CTNNA3: variants seen among roughly 807,000 people sequenced by gnomAD.
The protein encoded by CTNNA3 is catenin alpha 3.
A neutral mutation model predicts 95.7 loss-of-function variants in CTNNA3; 76 were observed. The ratio of observed to expected loss-of-function variants is 0.79; its 90% CI spans 0.66 to 0.96. The LOEUF (loss-of-function observed/expected upper bound fraction) is 0.96. CTNNA3 is among the 40% of genes least tolerant of loss of function. The pLI is 0.00. For synonymous variants in CTNNA3, 431 were observed against 374.4 expected, an observed-to-expected ratio of 1.15 and a Z score of -1.74; for missense variants, 1,191 against 1,089.8, an observed-to-expected ratio of 1.09 and a Z score of -1.31.
At chr10:67,402,616 C>T (rs192641730) in intron 5 of CTNNA3, among the ~76,000 whole-genome samples, 94 of 152,290 alleles carry the variant, frequency 6.2e-4, no homozygotes, top group African/African-American at 2.2e-3. Flanking sequence ...CTGGAAGTGA[C>T]GCAAAGCCAA....
chr10:66,471,415 T>C (rs1393043540), intron 11 of CTNNA3, among the ~76,000 whole-genome samples: 1 of 151,898 alleles, frequency 6.6e-6, no homozygotes, highest in East Asian at 1.9e-4. Flanking sequence ...TTTCAAAAGT[T>C]CTTCAGCATA....
At chr10:65,999,232 T>G (rs1316137752) in intron 15 of CTNNA3, among the ~76,000 whole-genome samples, 1 of 152,176 alleles carries the variant, frequency 6.6e-6, no homozygotes, top group Non-Finnish European at 1.5e-5. Flanking sequence ...AAGTTCAACT[T>G]AAATAAAGCT....
At chr10:67,104,556 C>T (rs562256918) in intron 7 of CTNNA3, among the ~76,000 whole-genome samples, 1 of 152,060 alleles carries the variant, frequency 6.6e-6, no homozygotes, top group East Asian at 1.9e-4. Context: ...TCAGTCTCAG[C>T]TATTCACAAA....
At chr10:66,004,479 C>T (rs564947007) in intron 15 of CTNNA3, among the ~76,000 whole-genome samples, 4 of 152,058 alleles carry the variant, frequency 2.6e-5, no homozygotes, top group Non-Finnish European at 5.9e-5. Context: ...ACTTTTGGTT[C>T]ATAGAGACAT....
chr10:66,796,886 G>A (rs116208648), intron 7 of CTNNA3, among the ~76,000 whole-genome samples: 17 of 152,050 alleles, frequency 1.1e-4, no homozygotes, highest in African/African-American at 3.6e-4. Context: ...TCACTCCAGC[G>A]GAATATCAAT....
intron 10 of CTNNA3, among the ~76,000 whole-genome samples, chr10:66,559,708 A>C (rs180991352): frequency 5.1e-4 from 77 of 152,080 alleles, no homozygotes; most frequent in African/African-American, 1.8e-3. Context: ...TTCCTCATTT[A>C]CTGGGTTAGC....
intron 5 of CTNNA3, among the ~76,000 whole-genome samples, chr10:67,387,389 A>C (rs1172978397): frequency 6.6e-6 from 1 of 152,030 alleles, no homozygotes; most frequent in Non-Finnish European, 1.5e-5. Context: ...TATATCCCGC[A>C]CCTGGCTCGG....
chr10:66,047,623 T>A (rs1246500575), intron 15 of CTNNA3, among the ~76,000 whole-genome samples: 2 of 152,106 alleles, frequency 1.3e-5, no homozygotes, highest in East Asian at 3.9e-4. Flanking sequence ...TTGAAAGTCA[T>A]ACCCAGAGCT....
intron 11 of CTNNA3, among the ~76,000 whole-genome samples, chr10:66,502,785 G>A (rs774449841): frequency 3.9e-5 from 6 of 151,984 alleles, no homozygotes; most frequent in Non-Finnish European, 5.9e-5. Context: ...ATGTGCACAA[G>A]TTTCTTCAAT....
In CTNNA3 at chr10:67,576,646, T is replaced by A. The variant is rs530082532; in HGVS notation, c.292+30211A>T. The stretch of plus-strand genomic sequence containing the variant: ...GTATACATGTGCCATGCTGGTGTGC[T>A]GCACCCATTAACTTGTCATTTAGCA... On this transcript the variant is annotated intron_variant, in intron 3 of 17. Transcript: ENST00000433211. 9.6e-4 allele frequency among the ~76,000 whole-genome samples: 140 copies of A among 146,330 alleles called. 1 individual carries two copies. Among genetic ancestry groups the A allele is most frequent in the African/African-American group, 3.3e-3 (126 of 38,508 alleles).
chr10:66,199,423 A>T (rs2087173065), intron 13 of CTNNA3, among the ~76,000 whole-genome samples: 1 of 151,574 alleles, frequency 6.6e-6, no homozygotes, highest in Non-Finnish European at 1.5e-5. Flanking sequence ...GCATTTGTGT[A>T]TATTCTTTAA....
chr10:65,922,188 C>T (rs199751039), intron 17 of CTNNA3, among the ~76,000 whole-genome samples: 16 of 152,122 alleles, frequency 1.1e-4, no homozygotes, highest in East Asian at 9.7e-4. Flanking sequence ...GATTATTTTT[C>T]GATATCAAAT....
chr10:67,706,516 C>T (rs953510234), intron 1 of CTNNA3, among the ~76,000 whole-genome samples: 3 of 152,062 alleles, frequency 2.0e-5, no homozygotes, highest in Non-Finnish European at 4.4e-5. Flanking sequence ...TACTTCCTCT[C>T]CTCTTGAAGA....
intron 11 of CTNNA3, among the ~76,000 whole-genome samples, chr10:66,397,010 T>C: frequency 6.6e-6 from 1 of 151,822 alleles, no homozygotes; most frequent in South Asian, 2.1e-4. Context: ...AAAATCAGGC[T>C]ATGTATCTAT....
chr10:66,629,289 G>T (rs922138980), intron 9 of CTNNA3, among the ~76,000 whole-genome samples: 1 of 152,036 alleles, frequency 6.6e-6, no homozygotes, highest in African/African-American at 2.4e-5. Context: ...AACCCCATGA[G>T]TCTTATGACT....
At chr10:66,446,200 A>G (rs2093419687) in intron 11 of CTNNA3, among the ~76,000 whole-genome samples, 1 of 152,200 alleles carries the variant, frequency 6.6e-6, no homozygotes, top group Admixed American at 6.5e-5. Flanking sequence ...CAAACCAAAA[A>G]AAGTCCAGGA....
intron 9 of CTNNA3, among the ~76,000 whole-genome samples, chr10:66,673,360 C>A (rs960482744): frequency 6.6e-6 from 1 of 151,956 alleles, no homozygotes; most frequent in Non-Finnish European, 1.5e-5. Flanking sequence ...GTTGATGTAG[C>A]TAAAAAATAT....
intron 13 of CTNNA3, among the ~76,000 whole-genome samples, chr10:66,274,023 G>A (rs372527628): frequency 6.6e-6 from 1 of 152,096 alleles, no homozygotes; most frequent in East Asian, 1.9e-4. Flanking sequence ...CTAATAAAAA[G>A]GTGAGTGGAT....
At chr10:67,177,482 T>C (rs1862301091) in intron 7 of CTNNA3, among the ~76,000 whole-genome samples, 2 of 152,340 alleles carry the variant, frequency 1.3e-5, no homozygotes, top group South Asian at 4.1e-4. Context: ...TCAGTTTTCA[T>C]GCTTATCATC....
Sources: allele counts gnomAD v4.1 joint callset (sites outside exome capture counted in the v4.1 genomes callset), GRCh38; gene constraint gnomAD v4.1.1; transcripts MANE v1.5; gene names NCBI Gene and HGNC (gene_info 2026-07-23, HGNC 2026-07-21).